ETV6: variants seen among roughly 807,000 people sequenced by gnomAD.
The protein encoded by ETV6 is ETS variant transcription factor 6.
A neutral mutation model predicts 51.1 loss-of-function variants in ETV6; 16 were observed. The ratio of observed to expected loss-of-function variants is 0.31; its 90% confidence interval spans 0.21 to 0.48. The LOEUF (loss-of-function observed/expected upper bound fraction) is 0.48, where lower values mean the gene tolerates loss of function less well. Among genes scored for constraint, ETV6 ranks in the 20% least tolerant of loss-of-function variants. The pLI is 0.99. For synonymous variants in ETV6, 240 were observed against 224.1 expected, an observed-to-expected ratio of 1.07 and a Z score of -0.64; for missense variants, 458 against 594.8, an observed-to-expected ratio of 0.77 and a Z score of 2.39.
At chr12:11,755,847 G>C (rs1944998775) in intron 2 of ETV6, among the ~76,000 whole-genome samples, 1 of 152,230 alleles carries the variant, frequency 6.6e-6, no homozygotes, top group Admixed American at 6.5e-5. Context: ...CATCAGATTG[G>C]TATGCCTCAA....
intron 1 of ETV6, among the ~76,000 whole-genome samples, chr12:11,730,963 C>G (rs530716248): frequency 7.2e-5 from 11 of 152,204 alleles, no homozygotes; most frequent in Admixed American, 6.5e-4. Flanking sequence ...GTAACCCCCT[C>G]CTTGGTTTCA....
chr12:11,650,478 G>A (rs1289264166), intron 1 of ETV6, among the ~76,000 whole-genome samples: 1 of 34,082 alleles, frequency 2.9e-5, no homozygotes, highest in African/African-American at 1.2e-4. Flanking sequence ...TAATTAGTGC[G>A]CTTAAAAAAA....
intron 2 of ETV6, among the ~76,000 whole-genome samples, chr12:11,835,106 G>T (rs1478997694): frequency 2.0e-5 from 3 of 152,184 alleles, no homozygotes; most frequent in Non-Finnish European, 4.4e-5. Context: ...TAAGTTTAAG[G>T]GCCTGGGTGT....
In ETV6 at chr12:11,731,403, C is replaced by T. The variant is rs76433676; in HGVS notation, c.34-21047C>T. Among the ~76,000 whole-genome samples, 774 of 152,256 alleles carry T rather than the reference C, an allele frequency of 5.1e-3. 8 individuals carry two copies. Among genetic ancestry groups the T allele is most frequent in the African/African-American group, 0.017 (723 of 41,528 alleles). On this transcript the variant is annotated intron_variant, in intron 1 of 7. Coordinates refer to ENST00000396373, the MANE Select transcript of ETV6 (RefSeq NM_001987.5). Reference sequence around the variant, plus strand: ...CTCAAAATTTCATGTAGTAAGAATGCAGGATGCTTATGGAGAAAAGTGAGT... The same window carrying T: ...CTCAAAATTTCATGTAGTAAGAATGTAGGATGCTTATGGAGAAAAGTGAGT...
chr12:11,800,668 G>A (rs561640461), intron 2 of ETV6, among the ~76,000 whole-genome samples: 120 of 152,196 alleles, frequency 7.9e-4, no homozygotes, highest in African/African-American at 2.7e-3. Context: ...TTAGCATAAT[G>A]TGCACCAGAT....
chr12:11,769,018 C>G (rs1945203282), intron 2 of ETV6: 2 of 449,936 alleles, frequency 4.4e-6, no homozygotes, highest in Non-Finnish European at 8.8e-6. Context: ...CAAAGATAAG[C>G]AAGGAAGGAA....
At chr12:11,710,045 A>C (rs540217906) in intron 1 of ETV6, among the ~76,000 whole-genome samples, 1 of 152,348 alleles carries the variant, frequency 6.6e-6, no homozygotes, top group East Asian at 1.9e-4. Flanking sequence ...ATTAATTTGC[A>C]GAGTATTCTC....
chr12:11,848,067 A>G (rs1206303223), intron 3 of ETV6, among the ~76,000 whole-genome samples: 1 of 152,238 alleles, frequency 6.6e-6, no homozygotes, highest in Non-Finnish European at 1.5e-5. Context: ...GAAACAAAGA[A>G]CATTTTTTGC....
intron 2 of ETV6, among the ~76,000 whole-genome samples, chr12:11,800,217 C>T (rs916661943): frequency 6.6e-6 from 1 of 152,054 alleles, no homozygotes; most frequent in Non-Finnish European, 1.5e-5. Context: ...CTTCTTATCC[C>T]ACCTCCTATT....
At chr12:11,741,401 A>G (rs1565507200) in intron 1 of ETV6, among the ~76,000 whole-genome samples, 2 of 152,198 alleles carry the variant, frequency 1.3e-5, no homozygotes, top group Non-Finnish European at 2.9e-5. Flanking sequence ...TTTGGATGCG[A>G]GAGAGGGAAG....
intron 1 of ETV6, among the ~76,000 whole-genome samples, chr12:11,716,208 G>A (rs1266971054): frequency 2.0e-5 from 3 of 151,800 alleles, no homozygotes; most frequent in Admixed American, 2.0e-4. Context: ...GTGGGCGCCT[G>A]TAGTCCCAGC....
intron 1 of ETV6, among the ~76,000 whole-genome samples, chr12:11,699,965 C>T (rs1376088548): frequency 1.3e-5 from 2 of 152,134 alleles, no homozygotes; most frequent in African/African-American, 2.4e-5. Flanking sequence ...TCTCCTACTG[C>T]GTTTGTATTT....
At position 11,869,335 on chromosome 12, in the gene ETV6, T is replaced by G; in HGVS notation, c.464-89T>G. On this transcript the variant is annotated intron_variant, in intron 4 of 7. Transcript: ENST00000396373. This position sits in a 1 kb window ranked among gnomAD's most constrained non-coding sequence, Gnocchi z 5.0. ...AGGTCCTTTACACATACCTACACGCTCCTCCATTTACCGCCTGTAGAGCCG... is the reference window on the plus strand; with the variant it reads ...AGGTCCTTTACACATACCTACACGCGCCTCCATTTACCGCCTGTAGAGCCG... 1 of 1,153,814 alleles carries G rather than the reference T, an allele frequency of 8.7e-7. No homozygotes were observed. Among genetic ancestry groups the G allele is most frequent in the Middle Eastern group, 2.0e-4 (1 of 4,972 alleles). 71.5% of individuals were successfully genotyped at this position (1,153,814 alleles called of 1,614,324 possible). A position where few individuals can be genotyped will look rare whatever the true frequency, so the allele number is the denominator to read the frequency against.
chr12:11,838,116 G>A (rs1026786785), intron 2 of ETV6, among the ~76,000 whole-genome samples: 2 of 152,156 alleles, frequency 1.3e-5, no homozygotes, highest in African/African-American at 2.4e-5. Flanking sequence ...ATGGCTGGAC[G>A]CTCATCTCTG....
intron 2 of ETV6, among the ~76,000 whole-genome samples, chr12:11,822,336 A>G (rs1350569249): frequency 6.6e-6 from 1 of 152,246 alleles, no homozygotes; most frequent in Non-Finnish European, 1.5e-5. Flanking sequence ...CTGAAATGAA[A>G]GAAACAGCAG....
At chr12:11,716,247 C>T (rs928372897) in intron 1 of ETV6, among the ~76,000 whole-genome samples, 1 of 130,256 alleles carries the variant, frequency 7.7e-6, no homozygotes, top group African/African-American at 2.8e-5. Context: ...AGGAGAATAG[C>T]GTGAATCTGG....
intron 1 of ETV6, among the ~76,000 whole-genome samples, chr12:11,669,721 T>C (rs748405839): frequency 4.6e-5 from 7 of 152,330 alleles, no homozygotes; most frequent in Non-Finnish European, 1.0e-4. Flanking sequence ...CCATTCATGT[T>C]CTGTTCATAC....
At chr12:11,734,668 T>A (rs1332203067) in intron 1 of ETV6, among the ~76,000 whole-genome samples, 1 of 152,168 alleles carries the variant, frequency 6.6e-6, no homozygotes, top group Non-Finnish European at 1.5e-5. Flanking sequence ...CTATGCAAAA[T>A]TGTAGGGCAT....
rs547786286 is a variant in ETV6 at position 11,883,276 on chromosome 12, CTTTTTTTTTTTTTTTTTTTT to C, written c.1010-1153_1010-1134del. 2.9e-4 allele frequency among the ~76,000 whole-genome samples: 23 copies of C among 79,118 alleles called. 1 individual carries two copies. Among genetic ancestry groups the C allele is most frequent in the South Asian group, 1.8e-3 (5 of 2,796 alleles). The allele number at this position is 79,118 out of a possible 152,430, so 51.9% of individuals were successfully genotyped here. ...GGGAAGGTGTACATCATGTCTTCTTCTTTTTTTTTTTTTTTTTTTTTTTTTTTTTTTTTTTGAGACTGAGT... is the reference window on the plus strand; with the variant it reads ...GGGAAGGTGTACATCATGTCTTCTTCTTTTTTTTTTTTTTTGAGACTGAGT... On this transcript the variant is annotated intron_variant, in intron 5 of 7. Coordinates refer to ENST00000396373, the MANE Select transcript of ETV6 (RefSeq NM_001987.5).
Sources: gnomAD v4.1 joint callset for allele counts (sites outside exome capture counted in the v4.1 genomes callset) on GRCh38, gnomAD v4.1.1 for gene constraint, Gnocchi (gnomAD v3.1) non-coding constraint, MANE v1.5 for transcripts, NCBI Gene and HGNC (gene_info 2026-07-23, HGNC 2026-07-21) for gene names.